CACNA1C: variants seen among roughly 807,000 people sequenced by gnomAD.
CACNA1C encodes the protein voltage-dependent L-type calcium channel subunit alpha-1C.
A neutral mutation model predicts 229.0 loss-of-function variants in CACNA1C; 30 were observed. That is an observed-to-expected ratio of 0.13 (90% CI 0.10 to 0.18). The LOEUF (loss-of-function observed/expected upper bound fraction) is 0.18. Among genes scored for constraint, CACNA1C ranks in the 10% least tolerant of loss-of-function variants. The pLI, the probability that CACNA1C is intolerant of heterozygous loss-of-function variation, is 1.00. For missense variants in CACNA1C, 1,658 were observed against 2,845.0 expected (o/e 0.58, Z 9.49); for synonymous variants, 1,114 against 1,132.5 (o/e 0.98, Z 0.33).
intron 5 of CACNA1C, among the ~76,000 whole-genome samples, chr12:2,485,079 G>C (rs1458084979): frequency 6.6e-6 from 1 of 152,082 alleles, no homozygotes; most frequent in Non-Finnish European, 1.5e-5. Context: ...GGATGAATGT[G>C]AGGGTGAGAT....
chr12:2,230,117 G>A (rs372056455), intron 3 of CACNA1C, among the ~76,000 whole-genome samples: 4 of 151,396 alleles, frequency 2.6e-5, no homozygotes, highest in African/African-American at 7.3e-5. Flanking sequence ...GTGGTGGCGC[G>A]GCCCTCGCTG....
intron 5 of CACNA1C, among the ~76,000 whole-genome samples, chr12:2,463,483 A>C (rs937723992): frequency 1.3e-5 from 2 of 152,324 alleles, no homozygotes; most frequent in Admixed American, 1.3e-4. Flanking sequence ...TAAAAATTGG[A>C]GCTGTCAAAA....
intron 13 of CACNA1C, among the ~76,000 whole-genome samples, chr12:2,573,882 A>C (rs1341827805): frequency 6.6e-6 from 1 of 152,250 alleles, no homozygotes; most frequent in Non-Finnish European, 1.5e-5. Flanking sequence ...CTCATCCATG[A>C]TGCCTGAAGG....
rs1387739070 is a variant in CACNA1C, at chr12:2,108,737, A to C, written c.50-6487A>C. On this transcript the variant is annotated intron_variant, in intron 1 of 46. Coordinates refer to ENST00000399655, the MANE Select transcript of CACNA1C (RefSeq NM_000719.7). The surrounding 1 kb of genome is among the most constrained non-coding windows in gnomAD (Gnocchi z 5.3). ...TGACAGGGCCTCGGGTTATCGTCTG[A>C]GATCGAGAGACGGTGTCCTCTCTGT... is the stretch of plus-strand genomic sequence containing the variant. Among the ~76,000 whole-genome samples, 1 of 152,174 alleles carries C rather than the reference A, an allele frequency of 6.6e-6. No individual in the cohort carries two copies. Among genetic ancestry groups the C allele is most frequent in the Non-Finnish European group, 1.5e-5 (1 of 68,038 alleles).
At chr12:2,681,263 GTCCCCACAGATATATC>G (rs2097132340) in intron 42 of CACNA1C, among the ~76,000 whole-genome samples, 1 of 152,170 alleles carries the variant, frequency 6.6e-6, no homozygotes, top group Non-Finnish European at 1.5e-5. Context: ...GGATTTCCTT[GTCCCCACAGATATATC>G]TCTCCACATA....
At chr12:2,684,151 G>C (rs554721886) in intron 43 of CACNA1C, among the ~76,000 whole-genome samples, 189 of 152,302 alleles carry the variant, frequency 1.2e-3, no homozygotes, top group African/African-American at 4.2e-3. Flanking sequence ...AGTGCTTTCT[G>C]CTCGGGAACT....
chr12:2,260,685 G>C (rs1350317997), intron 3 of CACNA1C, among the ~76,000 whole-genome samples: 2 of 152,110 alleles, frequency 1.3e-5, no homozygotes, highest in Non-Finnish European at 2.9e-5. Context: ...TTGAACACTT[G>C]TTGGCTGTGT....
intron 3 of CACNA1C, among the ~76,000 whole-genome samples, chr12:2,292,497 C>G (rs979292255): frequency 6.6e-6 from 1 of 152,320 alleles, no homozygotes; most frequent in East Asian, 1.9e-4. Flanking sequence ...AGCACTGTTT[C>G]AGGAATCAGA....
At chr12:2,138,138 A>G (rs960787586) in intron 3 of CACNA1C, among the ~76,000 whole-genome samples, 8 of 151,522 alleles carry the variant, frequency 5.3e-5, no homozygotes, top group African/African-American at 1.9e-4. Flanking sequence ...TCGGGCACAC[A>G]GTCAGAAACA....
intron 3 of CACNA1C, among the ~76,000 whole-genome samples, chr12:2,378,319 A>C (rs535009948): frequency 1.8e-3 from 275 of 152,300 alleles, no homozygotes; most frequent in African/African-American, 6.0e-3. Context: ...GGGCCTCTGC[A>C]TGTGGATGGG....
rs114305660 is a variant in CACNA1C, at chr12:2,512,306, C to A, written c.1218-506C>A. 0.012 allele frequency among the ~76,000 whole-genome samples: 1,762 copies of A among 152,208 alleles called. 39 individuals carry two copies. The highest frequency in any genetic ancestry group is 0.04 in the African/African-American group (1,675 of 41,532). On this transcript the variant is annotated intron_variant, in intron 8 of 46. Coordinates refer to ENST00000399655, the MANE Select transcript of CACNA1C (RefSeq NM_000719.7). The surrounding 1 kb of genome is among the most constrained non-coding windows in gnomAD (Gnocchi z 4.3). ...TGGGAAGAGACATGAATGATTGGCT[C>A]TCAGGACCTGGGGCGAGTGAGTGGG...
chr12:2,487,817 A>C (rs901288173), intron 6 of CACNA1C, among the ~76,000 whole-genome samples: 2 of 152,184 alleles, frequency 1.3e-5, no homozygotes, highest in South Asian at 4.1e-4. Flanking sequence ...CTTTAATTAA[A>C]ATCCTTCCTT....
chr12:2,295,382 C>T lies in CACNA1C; in HGVS notation c.478-153594C>T, dbSNP rs536980095. Among the ~76,000 whole-genome samples the T allele has an allele frequency of 2.0e-5, 3 of 152,308 alleles. No individual in the cohort carries two copies. The East Asian group carries it at 5.8e-4, about 29-fold the overall frequency. Reference sequence around the variant, plus strand: ...AACCAAACTTCCTTCTTGAAGCCTTCTGCAACCCCATGCCTCTCAGTGAAA... The same window carrying T: ...AACCAAACTTCCTTCTTGAAGCCTTTTGCAACCCCATGCCTCTCAGTGAAA... On this transcript the variant is annotated intron_variant, in intron 3 of 46. Coordinates refer to ENST00000399655, the MANE Select transcript of CACNA1C (RefSeq NM_000719.7).
intron 3 of CACNA1C, among the ~76,000 whole-genome samples, chr12:2,235,000 A>G (rs1366122165): frequency 6.6e-6 from 1 of 152,108 alleles, no homozygotes; most frequent in Non-Finnish European, 1.5e-5. Context: ...CCTGCTATGA[A>G]CACATAGCCT....
intron 13 of CACNA1C, among the ~76,000 whole-genome samples, chr12:2,568,264 C>T (rs77523650): frequency 0.064 from 9,652 of 150,868 alleles, 342 homozygotes; most frequent in African/African-American, 0.077. Flanking sequence ...CCAGAAGTCA[C>T]TCCCAGACAC....
At chr12:2,134,952 C>T (rs1473837154) in intron 3 of CACNA1C, among the ~76,000 whole-genome samples, 7 of 114,028 alleles carry the variant, frequency 6.1e-5, no homozygotes, top group East Asian at 2.6e-4. Context: ...ACCAATCAGA[C>T]GTAGATTTGG....
chr12:2,677,465 A>G lies in CACNA1C; in HGVS notation c.4956+244A>G. The stretch of plus-strand genomic sequence containing the variant: ...CTGTCATAGCCCCCAGATCTCTCAA[A>G]TACTTCACTGAGGCTCCCGTGACAG... On this transcript the variant is annotated intron_variant, in intron 40 of 46. Coordinates refer to ENST00000399655, the MANE Select transcript of CACNA1C (RefSeq NM_000719.7). The surrounding 1 kb of genome is among the most constrained non-coding windows in gnomAD (Gnocchi z 7.4). 4.9e-6 allele frequency: 3 copies of G among 614,372 alleles called. No individual in the cohort carries two copies. The highest frequency in any genetic ancestry group is 2.1e-5 in the South Asian group (1 of 47,882). The allele number at this position is 614,372 out of a possible 1,614,324, so 38.1% of individuals were successfully genotyped here. A position where few individuals can be genotyped will look rare whatever the true frequency, so the allele number is the denominator to read the frequency against.
chr12:2,318,465 C>T (rs1267154191), intron 3 of CACNA1C, among the ~76,000 whole-genome samples: 1 of 152,254 alleles, frequency 6.6e-6, no homozygotes, highest in Non-Finnish European at 1.5e-5. Context: ...AGGCCTCCAT[C>T]CGTTGGACCT....
In CACNA1C at chr12:2,670,066, T is replaced by A. The variant is rs1478613481; in HGVS notation, c.4726+1031T>A. ...CGCTGCAGAATCAGCTTTGGGTACC[T>A]GTTTAAGCTACTGAGTCCCAGGCAC... On this transcript the variant is annotated intron_variant, in intron 38 of 46. Coordinates refer to ENST00000399655, the MANE Select transcript of CACNA1C (RefSeq NM_000719.7). 2.0e-5 allele frequency among the ~76,000 whole-genome samples: 3 copies of A among 152,194 alleles called. No individual in the cohort carries two copies. In the East Asian group the frequency reaches 5.8e-4, roughly 29 times the overall value.
Sources: gnomAD v4.1 joint callset for allele counts (sites outside exome capture counted in the v4.1 genomes callset) on GRCh38, gnomAD v4.1.1 for gene constraint, Gnocchi (gnomAD v3.1) non-coding constraint, MANE v1.5 for transcripts, NCBI Gene and HGNC (gene_info 2026-07-23, HGNC 2026-07-21) for gene names.